Variants in XIRP2 observed in about 807,000 individuals in gnomAD.
The protein encoded by XIRP2 is xin actin-binding repeat-containing protein 2.
Under a neutral mutation model 277.0 loss-of-function variants are expected in XIRP2, and 236 were observed. That is an observed-to-expected ratio of 0.85 (90% CI 0.77 to 0.95). The LOEUF (loss-of-function observed/expected upper bound fraction) is 0.95, where lower values mean the gene tolerates loss of function less well. XIRP2 is among the 40% of genes least tolerant of loss of function. The pLI, the probability that XIRP2 is intolerant of heterozygous loss-of-function variation, is 0.00. For missense variants in XIRP2, 4,640 were observed against 4,157.5 expected, an observed-to-expected ratio of 1.12 and a Z score of -3.19; for synonymous variants, 1,490 against 1,416.5, an observed-to-expected ratio of 1.05 and a Z score of -1.17.
intron 2 of XIRP2, among the ~76,000 whole-genome samples, chr2:167,017,584 C>G (rs1687866402): frequency 6.6e-6 from 1 of 151,920 alleles, no homozygotes; most frequent in South Asian, 2.1e-4. Context: ...TGCCAAAGAG[C>G]TAGGAGTTAT....
intron 3 of XIRP2, among the ~76,000 whole-genome samples, chr2:167,179,087 T>G (rs781197805): frequency 9.2e-5 from 14 of 152,130 alleles, no homozygotes; most frequent in Non-Finnish European, 1.9e-4. Context: ...TATAATAATG[T>G]TATATATACT....
chr2:167,099,745 C>T (rs1230777654), intron 2 of XIRP2, among the ~76,000 whole-genome samples: 1 of 152,030 alleles, frequency 6.6e-6, no homozygotes, highest in East Asian at 1.9e-4. Context: ...TCATGGCTTC[C>T]CTTGGCTATG....
At chr2:167,087,723 C>T (rs1052481969) in intron 2 of XIRP2, among the ~76,000 whole-genome samples, 2 of 152,176 alleles carry the variant, frequency 1.3e-5, no homozygotes, top group Admixed American at 1.3e-4. Context: ...GTCTGTCACC[C>T]CTTTCTTTGA....
chr2:167,017,583 G>A (rs1687866157), intron 2 of XIRP2, among the ~76,000 whole-genome samples: 2 of 151,938 alleles, frequency 1.3e-5, no homozygotes. Context: ...ATGCCAAAGA[G>A]CTAGGAGTTA....
intron 3 of XIRP2, among the ~76,000 whole-genome samples, chr2:167,161,050 C>A (rs1692348460): frequency 6.6e-6 from 1 of 152,194 alleles, no homozygotes; most frequent in African/African-American, 2.4e-5. Context: ...AGTCTTAAAG[C>A]TCCAAAATGA....
At chr2:167,148,406 A>C (rs1171038634) in intron 3 of XIRP2, among the ~76,000 whole-genome samples, 1 of 142,344 alleles carries the variant, frequency 7.0e-6, no homozygotes, top group Non-Finnish European at 1.5e-5. Flanking sequence ...AGAAAGAAAA[A>C]GAAAGAAAGA....
At chr2:167,113,107 T>C (rs1690807270) in intron 2 of XIRP2, among the ~76,000 whole-genome samples, 1 of 152,122 alleles carries the variant, frequency 6.6e-6, no homozygotes, top group Non-Finnish European at 1.5e-5. Flanking sequence ...GTATATTCTG[T>C]TGTTTTTATG....
chr2:167,214,289 GAGGGAGGGAGGAAGGAAGGA>G (rs1450974450), intron 4 of XIRP2, among the ~76,000 whole-genome samples: 6 of 95,780 alleles, frequency 6.3e-5, no homozygotes, highest in African/African-American at 2.6e-4. Context: ...GGGAGGGAGG[GAGGGAGGGAGGAAGGAAGGA>G]AGGAAGGAAG....
chr2:166,941,564 T>G (rs1685718267), intron 2 of XIRP2, among the ~76,000 whole-genome samples: 1 of 152,202 alleles, frequency 6.6e-6, no homozygotes, highest in African/African-American at 2.4e-5. Context: ...ACTGGAGCTG[T>G]TCCTAATTGG....
At chr2:167,253,964 T>C (rs924624069) in intron 9 of XIRP2, 68 bp from the exon 10 acceptor site, 2 of 1,498,648 alleles carry the variant, frequency 1.3e-6, no homozygotes, top group African/African-American at 2.8e-5. Context: ...TGTGTTTTTG[T>C]TTTGTTATGT....
At chr2:167,157,551 A>G (rs751846785) in intron 3 of XIRP2, among the ~76,000 whole-genome samples, 1 of 152,066 alleles carries the variant, frequency 6.6e-6, no homozygotes, top group Non-Finnish European at 1.5e-5. Flanking sequence ...CATTTATTCT[A>G]GAACCACCAA....
chr2:167,158,401 C>A (rs1200847915), intron 3 of XIRP2, among the ~76,000 whole-genome samples: 2 of 152,090 alleles, frequency 1.3e-5, no homozygotes, highest in Non-Finnish European at 2.9e-5. Flanking sequence ...ATTTAATTCA[C>A]ATGGACTTAA....
intron 2 of XIRP2, among the ~76,000 whole-genome samples, chr2:167,078,794 C>T (rs546489464): frequency 1.3e-3 from 193 of 150,398 alleles, no homozygotes; most frequent in South Asian, 4.6e-3. Flanking sequence ...GCCGAGATCG[C>T]GCCACTGCAC....
At position 167,031,345 on chromosome 2, in the gene XIRP2, C is replaced by T. The variant is rs1039536662; in HGVS notation, c.409-104564C>T. 5.9e-4 allele frequency among the ~76,000 whole-genome samples: 89 copies of T among 152,110 alleles called. 1 individual carries two copies. The highest frequency in any genetic ancestry group is 2.1e-3 in the African/African-American group (86 of 41,510). ...GTGGTGGGATACCGGTTTTTCCTTT[C>T]CATATTTAGTGCTTCCTTCAGGAGC... On this transcript the variant is annotated intron_variant, in intron 2 of 10. Transcript: ENST00000409195.
intron 7 of XIRP2, among the ~76,000 whole-genome samples, chr2:167,241,049 C>A (rs764797111): frequency 6.6e-6 from 1 of 152,110 alleles, no homozygotes; most frequent in Non-Finnish European, 1.5e-5. Context: ...TTATCAAGCT[C>A]CCTGAGAATA....
chr2:167,087,853 G>C (rs1382563552), intron 2 of XIRP2, among the ~76,000 whole-genome samples: 1 of 152,160 alleles, frequency 6.6e-6, no homozygotes, highest in Non-Finnish European at 1.5e-5. Context: ...GCACTCCCTA[G>C]TGAGATGAAC....
At position 167,234,120 on chromosome 2, in the gene XIRP2, C is replaced by T. The variant is rs555562537; in HGVS notation, c.859-5735C>T. 1.1e-4 allele frequency among the ~76,000 whole-genome samples: 17 copies of T among 151,624 alleles called. No individual in the cohort carries two copies. The South Asian group carries it at 3.3e-3, about 30-fold the overall frequency. On this transcript the variant is annotated intron_variant, in intron 5 of 10. Coordinates refer to ENST00000409195, the MANE Select transcript of XIRP2 (RefSeq NM_152381.6). ...ACAGAGTTCTAGCAGCTAAAACTAG[C>T]ATTGCTTATTCAGAATCCTCCCTTT...
chr2:167,161,512 A>C (rs571849193), intron 3 of XIRP2, among the ~76,000 whole-genome samples: 5 of 152,320 alleles, frequency 3.3e-5, no homozygotes, highest in Admixed American at 6.5e-5. Flanking sequence ...GGAAGCTGCT[A>C]AGGCTTGGGA....
In XIRP2 at chr2:167,161,902, C is replaced by G. The variant is rs574653129; in HGVS notation, c.562+25840C>G. 2.0e-5 allele frequency among the ~76,000 whole-genome samples: 3 copies of G among 152,270 alleles called. No individual in the cohort carries two copies. The South Asian group carries it at 6.2e-4, about 32-fold the overall frequency. On this transcript the variant is annotated intron_variant, in intron 3 of 10. Transcript: ENST00000409195. The stretch of plus-strand genomic sequence containing the variant: ...CCCTTATAAAACGGAATGCCTGTAA[C>G]AGCACCCAAGTCACCTCTTGAATGG...
Sources: allele counts gnomAD v4.1 joint callset (sites outside exome capture counted in the v4.1 genomes callset), GRCh38; gene constraint gnomAD v4.1.1; transcripts MANE v1.5; gene names NCBI Gene and HGNC (gene_info 2026-07-23, HGNC 2026-07-21).